The following CABIN1 variants were observed in gnomAD, a reference collection of about 807,000 sequenced individuals.
The protein encoded by CABIN1 is calcineurin-binding protein cabin-1.
CABIN1 carries 133 observed loss-of-function variants against 227.7 expected under a neutral mutation model. That is an observed-to-expected ratio of 0.58 (90% confidence interval 0.51 to 0.67). The LOEUF (loss-of-function observed/expected upper bound fraction) is 0.67. Among genes scored for constraint, CABIN1 ranks in the 30% least tolerant of loss-of-function variants. The pLI is 0.00. For synonymous variants in CABIN1, 1,086 were observed against 1,155.1 expected, an observed-to-expected ratio of 0.94 and a Z score of 1.21; for missense variants, 2,408 against 2,852.5, an observed-to-expected ratio of 0.84 and a Z score of 3.55.
chr22:24,129,430 G>T lies in CABIN1; in HGVS notation c.4633-4872G>T, dbSNP rs369123669. ...AGCTGGCCCCAGGGAGCATAGTGCT[G>T]GCACCCTGGCCTTGGGAAGGACCCA... On this transcript the variant is annotated intron_variant, in intron 28 of 36. Transcript: ENST00000263119. Among the ~76,000 whole-genome samples the T allele has an allele frequency of 4.6e-5, 7 of 152,308 alleles. No individual in the cohort carries two copies. In the East Asian group the frequency reaches 1.4e-3, roughly 29 times the overall value.
At chr22:24,013,881 T>A (rs1469884725) in intron 1 of CABIN1, among the ~76,000 whole-genome samples, 1 of 152,226 alleles carries the variant, frequency 6.6e-6, no homozygotes, top group African/African-American at 2.4e-5. Flanking sequence ...TGTTTTCTAA[T>A]GATTGGGGTG....
chr22:24,099,080 A>C (rs2042058310), intron 26 of CABIN1, among the ~76,000 whole-genome samples: 1 of 152,088 alleles, frequency 6.6e-6, no homozygotes, highest in East Asian at 1.9e-4. Context: ...CCTTGGAGTA[A>C]GAATGGGCAC....
intron 29 of CABIN1, 90 bp from the exon 30 acceptor site, chr22:24,164,310 G>T (rs1205092557): frequency 1.3e-6 from 2 of 1,532,564 alleles, no homozygotes; most frequent in Non-Finnish European, 1.8e-6. Flanking sequence ...CTTTGGCACT[G>T]TGGCAGTTTC....
chr22:24,102,451 A>G (rs2042258569), intron 26 of CABIN1: 2 of 152,324 alleles, frequency 1.3e-5, no homozygotes, highest in East Asian at 1.9e-4. Flanking sequence ...ACCTGTAGCC[A>G]TGCCCATCCA....
intron 29 of CABIN1, among the ~76,000 whole-genome samples, chr22:24,158,574 G>A (rs1304690918): frequency 6.6e-6 from 1 of 152,184 alleles, no homozygotes; most frequent in East Asian, 1.9e-4. Flanking sequence ...TCAGGACGCT[G>A]CGGGTGATGG....
intron 8 of CABIN1, 75 bp from the exon 9 acceptor site, chr22:24,054,798 C>G: frequency 6.3e-7 from 1 of 1,592,216 alleles, no homozygotes; most frequent in Non-Finnish European, 8.6e-7. Context: ...TCTGTGCAGG[C>G]AGGCCATTTT....
intron 5 of CABIN1, 27 bp from the exon 6 acceptor site, chr22:24,042,877 T>TGTGTGTGTGTGTGTGTG (rs1491335662): frequency 1.1e-5 from 16 of 1,463,742 alleles, no homozygotes; most frequent in Admixed American, 3.4e-5. Context: ...TGTGTGTGTG[T>TGTGTGTGTGTGTGTGTG]TTGCCCTCTG....
chr22:24,104,653 T>G (rs2042410586), intron 26 of CABIN1, among the ~76,000 whole-genome samples: 1 of 152,186 alleles, frequency 6.6e-6, no homozygotes, highest in Non-Finnish European at 1.5e-5. Flanking sequence ...CACTTTTCTT[T>G]GGCATCCATC....
At position 24,042,878 on chromosome 22, in the gene CABIN1, T is replaced by TGTGTG. The variant is rs1569112630; in HGVS notation, c.346-26_346-25insGTGTG. 8.1e-5 allele frequency: 77 copies of TGTGTG among 952,220 alleles called. No individual in the cohort carries two copies. In the African/African-American group the frequency reaches 1.2e-3, roughly 14 times the overall value. The allele number at this position is 952,220 out of a possible 1,614,324, so 59.0% of individuals were successfully genotyped here. ...TGTGTGTGTGTGTGTGTGTGTGTGT[T>TGTGTG]TGCCCTCTGCTTGTGTCGCTTCCAG... On this transcript the variant is annotated intron_variant, in intron 5 of 36. Transcript: ENST00000263119.
rs758937314 is a variant in CABIN1, at chr22:24,072,435, C to G, written c.2557C>G (p.Arg853Gly). Reference protein sequence around the residue: ...SSVLPWIILHRIIWQEEDTFH... With the variant: ...SSVLPWIILHGIIWQEEDTFH... ...AGTGCTACCCTGGATCATTCTACAC[C>G]GGATCATCTGGCAGGAGGAAGACAC... The change falls in exon 18 of 37, where the codon CGG (arginine) becomes GGG (glycine). Residue 853 changes from arginine (R) to glycine (G), a missense_variant. Arg to Gly is a moderately radical substitution (Grantham distance 125). Transcript: ENST00000263119. The G allele has an allele frequency of 1.2e-6, 2 of 1,614,046 alleles. No individual in the cohort carries two copies. Among genetic ancestry groups the G allele is most frequent in the African/African-American group, 2.7e-5 (2 of 74,920 alleles).
rs41311137 is a variant in CABIN1, at chr22:24,177,467, G to A, written c.6206-37G>A. On this transcript the variant is annotated intron_variant, in intron 35 of 36. Transcript: ENST00000263119. This position sits in a 1 kb window ranked among gnomAD's most constrained non-coding sequence, Gnocchi z 4.4. Reference sequence around the variant, plus strand: ...GATAAAGTGCTCACTGTGTGATGCGGCAGGCAGGAAGTGCTCTTGGTACCT... The same window carrying A: ...GATAAAGTGCTCACTGTGTGATGCGACAGGCAGGAAGTGCTCTTGGTACCT... The A allele has an allele frequency of 0.073, 109,435 of 1,491,406 alleles. 4,573 individuals are homozygous for A. Among genetic ancestry groups the A allele is most frequent in the Middle Eastern group, 0.11 (586 of 5,558 alleles). The allele number at this position is 1,491,406 out of a possible 1,614,324, so 92.4% of individuals were successfully genotyped here. A position where few individuals can be genotyped will look rare whatever the true frequency, so the allele number is the denominator to read the frequency against.
chr22:24,050,717 A>C, intron 7 of CABIN1, 108 bp from the exon 8 acceptor site: 1 of 1,384,982 alleles, frequency 7.2e-7, no homozygotes, highest in Non-Finnish European at 1.0e-6. Flanking sequence ...TATAGGAAGA[A>C]AAATACACAT....
intron 7 of CABIN1, 35 bp downstream of exon 7, chr22:24,049,255 G>T: frequency 6.2e-7 from 1 of 1,608,322 alleles, no homozygotes. Context: ...ATGTGTGCAC[G>T]CTTACTGTGT....
intron 34 of CABIN1, 57 bp from the exon 35 acceptor site, chr22:24,176,054 G>T: frequency 1.3e-6 from 2 of 1,568,058 alleles, no homozygotes; most frequent in South Asian, 2.3e-5. Context: ...ACACAGATGC[G>T]TTGGAGCCTG....
At chr22:24,037,627 A>G (rs2037020941) in intron 3 of CABIN1, among the ~76,000 whole-genome samples, 1 of 152,044 alleles carries the variant, frequency 6.6e-6, no homozygotes, top group Admixed American at 6.6e-5. Flanking sequence ...TGAACATTTT[A>G]CTCACAACCC....
rs150794886 is a variant in CABIN1, at chr22:24,063,482, G to T, written c.1884+336G>T. Among the ~76,000 whole-genome samples, 739 of 152,242 alleles carry T rather than the reference G, an allele frequency of 4.9e-3. 9 individuals are homozygous for T. The highest frequency in any genetic ancestry group is 0.017 in the African/African-American group (716 of 41,546). On this transcript the variant is annotated intron_variant, in intron 14 of 36. Coordinates refer to ENST00000263119, the MANE Select transcript of CABIN1 (RefSeq NM_012295.4). Reference sequence around the variant, plus strand: ...TCTTTGCTTATGTTTTCCTGAGAGAGCCCGAGCAAGTGAATAAACAGATAC... The same window carrying T: ...TCTTTGCTTATGTTTTCCTGAGAGATCCCGAGCAAGTGAATAAACAGATAC...
chr22:24,119,923 G>A (rs780013915), intron 28 of CABIN1, among the ~76,000 whole-genome samples: 5 of 152,224 alleles, frequency 3.3e-5, no homozygotes, highest in Admixed American at 2.0e-4. Flanking sequence ...GGAGGGAGGA[G>A]TGTAGGGGGT....
intron 29 of CABIN1, among the ~76,000 whole-genome samples, chr22:24,159,077 C>A (rs1032358181): frequency 1.3e-5 from 2 of 152,224 alleles, no homozygotes. Context: ...CTCTTCCCCC[C>A]AGGGGCTTCA....
chr22:24,143,104 A>G (rs1026534208), intron 29 of CABIN1, among the ~76,000 whole-genome samples: 2 of 152,138 alleles, frequency 1.3e-5, no homozygotes, highest in Non-Finnish European at 2.9e-5. Context: ...AAGTAAAGTG[A>G]CTTGGCCATG....
Sources: gnomAD v4.1 joint callset for allele counts (sites outside exome capture counted in the v4.1 genomes callset) on GRCh38, gnomAD v4.1.1 for gene constraint, Gnocchi (gnomAD v3.1) non-coding constraint, MANE v1.5 for transcripts, NCBI Gene and HGNC (gene_info 2026-07-23, HGNC 2026-07-21) for gene names.